TXLNB: variants seen among roughly 807,000 people sequenced by gnomAD.
TXLNB encodes taxilin beta.
TXLNB carries 37 observed loss-of-function variants against 57.4 expected under a neutral mutation model. That is an observed-to-expected ratio of 0.64 (90% CI 0.50 to 0.85). TXLNB has a LOEUF of 0.85. TXLNB is among the 40% of genes least tolerant of loss of function. The pLI is 0.00. For missense variants in TXLNB, 848 were observed against 825.6 expected (o/e 1.03, Z -0.33); for synonymous variants, 302 against 309.6 (o/e 0.98, Z 0.26).
chr6:139,236,533 G>C (rs1234517641), downstream of TXLNB, among the ~76,000 whole-genome samples: 1 of 152,154 alleles, frequency 6.6e-6, no homozygotes, highest in Non-Finnish European at 1.5e-5. Context: ...ACTGCATCCT[G>C]CTGCCCTGTG....
the TXLNB span, among the ~76,000 whole-genome samples, chr6:139,165,390 A>G: frequency 6.6e-6 from 1 of 152,180 alleles, no homozygotes; most frequent in Non-Finnish European, 1.5e-5. Context: ...ACAATTGATG[A>G]ACCTACATTT....
chr6:139,240,150 T>C lies in TXLNB; in HGVS notation c.*2376A>G, dbSNP rs41289815. 0.034 allele frequency: 5,251 copies of C among 152,728 alleles called. 153 individuals are homozygous for C. Among genetic ancestry groups the C allele is most frequent in the Non-Finnish European group, 0.05 (3,405 of 68,010 alleles). 9.5% of individuals were successfully genotyped at this position (152,728 alleles called of 1,614,324 possible). ...AACTTTAGTGTTTCTAGAAAGTAGA[T>C]GGCATTTCTAAAAAATAGTTACATA... On this transcript the variant is annotated 3_prime_UTR_variant, in exon 10 of 10. Transcript: ENST00000358430.
intron 3 of TXLNB, among the ~76,000 whole-genome samples, chr6:139,275,420 CAGT>C (rs1261418249): frequency 1.3e-5 from 2 of 152,078 alleles, no homozygotes; most frequent in Non-Finnish European, 2.9e-5. Flanking sequence ...TCTGCATACA[CAGT>C]AGAACAGGAA....
At chr6:139,321,286 T>C in the TXLNB span, among the ~76,000 whole-genome samples, 1 of 152,108 alleles carries the variant, frequency 6.6e-6, no homozygotes, top group African/African-American at 2.4e-5. Context: ...AGGTAGAGCC[T>C]TCATGAATGG....
chr6:139,323,706 G>T, the TXLNB span, among the ~76,000 whole-genome samples: 7 of 152,186 alleles, frequency 4.6e-5, no homozygotes, highest in African/African-American at 1.7e-4. Flanking sequence ...CTGCTGCATT[G>T]TCTTCTCTAG....
chr6:139,303,688 T>C, the TXLNB span, among the ~76,000 whole-genome samples: 1 of 151,550 alleles, frequency 6.6e-6, no homozygotes, highest in Non-Finnish European at 1.5e-5. Context: ...AGAGAGAATG[T>C]GCTACAATTA....
chr6:139,237,744 G>A (rs151104171), downstream of TXLNB, among the ~76,000 whole-genome samples: 18 of 151,992 alleles, frequency 1.2e-4, no homozygotes, highest in African/African-American at 4.1e-4. Context: ...AGTTTTACAC[G>A]TCGGTATGTT....
At chr6:139,174,761 G>A in the TXLNB span, 3 of 531,484 alleles carry the variant, frequency 5.6e-6, no homozygotes, top group Non-Finnish European at 8.6e-6. Flanking sequence ...AGTATATTAG[G>A]TCAAAAGAAC....
At chr6:139,257,045 C>T (rs1272647701) in intron 6 of TXLNB, among the ~76,000 whole-genome samples, 1 of 152,208 alleles carries the variant, frequency 6.6e-6, no homozygotes, top group Non-Finnish European at 1.5e-5. Flanking sequence ...AAGATGAATG[C>T]CTATTTATCA....
At chr6:139,317,449 G>C in the TXLNB span, among the ~76,000 whole-genome samples, 1 of 151,494 alleles carries the variant, frequency 6.6e-6, no homozygotes. Context: ...GCCCAGGCTA[G>C]AGTGCAGTGG....
the TXLNB span, among the ~76,000 whole-genome samples, chr6:139,188,262 T>G: frequency 2.0e-5 from 3 of 152,134 alleles, no homozygotes; most frequent in African/African-American, 7.2e-5. Context: ...AAACCAGGCC[T>G]CAGTGAGGCA....
the TXLNB span, among the ~76,000 whole-genome samples, chr6:139,197,281 CAACT>C: frequency 3.3e-5 from 5 of 152,314 alleles, no homozygotes; most frequent in South Asian, 1.0e-3. Context: ...CACTTATGAC[CAACT>C]AACATCCTGT....
the TXLNB span, among the ~76,000 whole-genome samples, chr6:139,302,953 C>G: frequency 6.6e-6 from 1 of 152,174 alleles, no homozygotes; most frequent in South Asian, 2.1e-4. Context: ...TATGCAATTA[C>G]CTTATGTAAA....
At chr6:139,277,955 T>A (rs574630231) in intron 2 of TXLNB, among the ~76,000 whole-genome samples, 1 of 152,196 alleles carries the variant, frequency 6.6e-6, no homozygotes, top group African/African-American at 2.4e-5. Context: ...ATATATGTCA[T>A]GAAATTAGGA....
chr6:139,321,972 T>C, the TXLNB span, among the ~76,000 whole-genome samples: 2 of 151,620 alleles, frequency 1.3e-5, no homozygotes, highest in Non-Finnish European at 2.9e-5. Flanking sequence ...ATTAATTTTT[T>C]TTTTTTTAAG....
chr6:139,276,848 G>T lies in TXLNB; in HGVS notation c.498C>A (p.Phe166Leu). ...ATCTTACCAATTCAGCATACTTCTTGAATAAAAAATCAAACTTTTCTTCCG... is the reference window on the plus strand; with the variant it reads ...ATCTTACCAATTCAGCATACTTCTTTAATAAAAAATCAAACTTTTCTTCCG... Reference protein sequence around the residue: ...QTPEEKFDFLFKKYAELLDEH... With the variant: ...QTPEEKFDFLLKKYAELLDEH... Residue 166 changes from phenylalanine (F) to leucine (L), a missense_variant, in exon 3 of 10, where the codon TTC becomes TTA. Transcript: ENST00000358430. 1 of 1,606,166 alleles carries T rather than the reference G, an allele frequency of 6.2e-7. No homozygotes were observed. Among genetic ancestry groups the T allele is most frequent in the Non-Finnish European group, 8.5e-7 (1 of 1,177,548 alleles).
At chr6:139,223,915 A>T in the TXLNB span, among the ~76,000 whole-genome samples, 2 of 150,786 alleles carry the variant, frequency 1.3e-5, no homozygotes, top group African/African-American at 4.9e-5. Context: ...AGAACTAGAA[A>T]TACCATTTGA....
the TXLNB span, among the ~76,000 whole-genome samples, chr6:139,221,945 C>T: frequency 6.6e-6 from 1 of 151,764 alleles, no homozygotes; most frequent in African/African-American, 2.4e-5. Context: ...CTATGGTATC[C>T]ACTAAAAGCT....
intron 7 of TXLNB, among the ~76,000 whole-genome samples, chr6:139,253,835 C>T (rs1456594342): frequency 6.6e-6 from 1 of 152,190 alleles, no homozygotes; most frequent in African/African-American, 2.4e-5. Flanking sequence ...GTAGAGATTG[C>T]ATGTAGCAGA....
Sources: gnomAD v4.1 joint callset for allele counts (sites outside exome capture counted in the v4.1 genomes callset) on GRCh38, gnomAD v4.1.1 for gene constraint, MANE v1.5 for transcripts, NCBI Gene and HGNC (gene_info 2026-07-23, HGNC 2026-07-21) for gene names.